The following UNC13C variants were observed in gnomAD, a reference collection of about 807,000 sequenced individuals.
The protein encoded by UNC13C is unc-13 homolog C.
UNC13C carries 174 observed loss-of-function variants against 245.4 expected under a neutral mutation model. The ratio of observed to expected loss-of-function variants is 0.71; its 90% confidence interval spans 0.63 to 0.80. The LOEUF (loss-of-function observed/expected upper bound fraction) is 0.80, where lower values mean the gene tolerates loss of function less well. Among genes scored for constraint, UNC13C ranks in the 30% least tolerant of loss-of-function variants. The pLI is 0.00. For synonymous variants in UNC13C, 992 were observed against 895.1 expected (o/e 1.11, Z -1.93); for missense variants, 2,829 against 2,602.9 (o/e 1.09, Z -1.89).
At chr15:54,620,777 C>A (rs1278853326) in intron 30 of UNC13C, among the ~76,000 whole-genome samples, 2 of 105,970 alleles carry the variant, frequency 1.9e-5, no homozygotes, top group African/African-American at 3.6e-5. Context: ...CAGAGCAAGA[C>A]CCTGTCTCAA....
At chr15:54,194,146 G>C (rs1330252384) in intron 4 of UNC13C, among the ~76,000 whole-genome samples, 3 of 152,144 alleles carry the variant, frequency 2.0e-5, no homozygotes, top group Admixed American at 2.0e-4. Context: ...GATCACTCTG[G>C]CTGCTCCGTG....
chr15:54,302,557 C>G (rs2037614377), intron 13 of UNC13C, among the ~76,000 whole-genome samples: 1 of 152,154 alleles, frequency 6.6e-6, no homozygotes, highest in Non-Finnish European at 1.5e-5. Context: ...AACCCTTTCC[C>G]CATTGCTTGT....
intron 1 of UNC13C, among the ~76,000 whole-genome samples, chr15:53,988,590 G>A (rs538034319): frequency 1.3e-5 from 2 of 151,870 alleles, no homozygotes; most frequent in African/African-American, 2.4e-5. Context: ...ATTGCAACAG[G>A]AATGGTCTGC....
intron 2 of UNC13C, among the ~76,000 whole-genome samples, chr15:54,062,717 C>G (rs1402152432): frequency 6.6e-6 from 1 of 152,188 alleles, no homozygotes; most frequent in Non-Finnish European, 1.5e-5. Context: ...CCCACCCAAG[C>G]ATACTGCTGT....
Position 54,613,710 on chromosome 15 carries a change from A to G in UNC13C, c.6107-8617A>G, listed in dbSNP as rs376255691. 5.9e-5 allele frequency among the ~76,000 whole-genome samples: 9 copies of G among 152,138 alleles called. No individual in the cohort carries two copies. The South Asian group carries it at 6.2e-4, about 10-fold the overall frequency. On this transcript the variant is annotated intron_variant, in intron 30 of 32. Transcript: ENST00000260323. ...AATCAAAATAGAGATATAAATCATG[A>G]TAAAATGCCAGGCTTATAACCTCGG...
In UNC13C at chr15:53,983,837, CTA is replaced by C. The variant is rs539603118; in HGVS notation, c.-257+4911_-257+4912del. On this transcript the variant is annotated intron_variant, in intron 1 of 32. Transcript: ENST00000260323. ...TGGGTCTCTCAAGCAGCTCCTCTTC[CTA>C]ATTGCTTCAGCTTCTCAGACCCAAA... Among the ~76,000 whole-genome samples, 3 of 152,032 alleles carry C rather than the reference CTA, an allele frequency of 2.0e-5. No homozygotes were observed. In the East Asian group the frequency reaches 5.8e-4, roughly 30 times the overall value.
intron 19 of UNC13C, among the ~76,000 whole-genome samples, chr15:54,436,863 A>G (rs57068855): frequency 0.029 from 4,485 of 152,056 alleles, 178 homozygotes; most frequent in Admixed American, 0.12. Context: ...TAGAACAATA[A>G]AAGGAATAGA....
chr15:54,426,368 T>C (rs1456899228), intron 19 of UNC13C, among the ~76,000 whole-genome samples: 1 of 149,346 alleles, frequency 6.7e-6, no homozygotes, highest in African/African-American at 2.5e-5. Flanking sequence ...AGTTATCACA[T>C]GGATGGCCTC....
chr15:53,988,113 A>G (rs924930696), intron 1 of UNC13C, among the ~76,000 whole-genome samples: 1 of 151,738 alleles, frequency 6.6e-6, no homozygotes, highest in African/African-American at 2.4e-5. Context: ...TTCTATTTTC[A>G]CTAGCCTGTG....
chr15:54,121,124 C>G (rs1049215592), intron 2 of UNC13C, among the ~76,000 whole-genome samples: 2 of 152,112 alleles, frequency 1.3e-5, no homozygotes, highest in African/African-American at 2.4e-5. Context: ...TGCTATCAAA[C>G]AGTGTCACAA....
At chr15:54,490,905 T>C (rs1377002272) in intron 19 of UNC13C, among the ~76,000 whole-genome samples, 1 of 152,174 alleles carries the variant, frequency 6.6e-6, no homozygotes, top group Non-Finnish European at 1.5e-5. Context: ...GGCAGATCAT[T>C]TCATTATTAA....
intron 13 of UNC13C, among the ~76,000 whole-genome samples, chr15:54,300,853 T>C (rs748999428): frequency 3.3e-5 from 5 of 152,200 alleles, no homozygotes; most frequent in African/African-American, 4.8e-5. Context: ...GCTATTATGG[T>C]GTCTTGTTCC....
chr15:53,914,942 C>T, the UNC13C span, among the ~76,000 whole-genome samples: 2 of 152,120 alleles, frequency 1.3e-5, no homozygotes, highest in African/African-American at 4.8e-5. Context: ...TCTTTGTCTA[C>T]TAAAACCAAC....
chr15:54,410,604 T>A (rs1489867483), intron 18 of UNC13C, among the ~76,000 whole-genome samples: 1 of 152,154 alleles, frequency 6.6e-6, no homozygotes, highest in African/African-American at 2.4e-5. Context: ...CCAGCATCAT[T>A]TATTAAATGG....
chr15:54,201,515 TAAGTC>T (rs1300574968), intron 4 of UNC13C, among the ~76,000 whole-genome samples: 2 of 151,576 alleles, frequency 1.3e-5, no homozygotes, highest in African/African-American at 2.4e-5. Flanking sequence ...TTAACATACT[TAAGTC>T]AATAAATATG....
chr15:54,418,670 C>T (rs884042), intron 19 of UNC13C, among the ~76,000 whole-genome samples: 1 of 151,482 alleles, frequency 6.6e-6, no homozygotes, highest in Non-Finnish European at 1.5e-5. Context: ...GGGTTGGGGG[C>T]TTGGTAAATA....
chr15:54,533,234 T>G (rs1895841355), intron 26 of UNC13C, among the ~76,000 whole-genome samples, 168 bp downstream of exon 26: 1 of 152,154 alleles, frequency 6.6e-6, no homozygotes. Context: ...CAACATACCT[T>G]TAATTGATTA....
chr15:54,100,105 C>CA lies in UNC13C; in HGVS notation c.2984-42889dup, dbSNP rs56058415. ...TGGGCAAAAGAGTGATACTCTGTCT[C>CA]AAAAAAAAAAAAAAAAAAAAAAAAT... On this transcript the variant is annotated intron_variant, in intron 2 of 32. Coordinates refer to ENST00000260323, the MANE Select transcript of UNC13C (RefSeq NM_001080534.3). 7.9e-4 allele frequency among the ~76,000 whole-genome samples: 88 copies of CA among 111,866 alleles called. 2 individuals are homozygous for CA. The highest frequency in any genetic ancestry group is 2.8e-3 in the African/African-American group (78 of 27,872). The allele number at this position is 111,866 out of a possible 152,430, so 73.4% of individuals were successfully genotyped here. A position where few individuals can be genotyped will look rare whatever the true frequency, so the allele number is the denominator to read the frequency against.
At chr15:54,091,571 T>C (rs2141137054) in intron 2 of UNC13C, among the ~76,000 whole-genome samples, 1 of 152,304 alleles carries the variant, frequency 6.6e-6, no homozygotes, top group South Asian at 2.1e-4. Flanking sequence ...GCTTTAAATT[T>C]AGTTCCTATT....
Sources: allele counts gnomAD v4.1 joint callset (sites outside exome capture counted in the v4.1 genomes callset), GRCh38; gene constraint gnomAD v4.1.1; transcripts MANE v1.5; gene names NCBI Gene and HGNC (gene_info 2026-07-23, HGNC 2026-07-21).